PDE8A: variants seen among roughly 807,000 people sequenced by gnomAD.
The protein encoded by PDE8A is phosphodiesterase 8A, also known as high affinity cAMP-specific and IBMX-insensitive 3',5'-cyclic phosphodiesterase 8A.
In PDE8A, 59 loss-of-function variants were observed where a neutral mutation model predicts 105.0. The observed-to-expected ratio is 0.56, with a 90% CI of 0.46 to 0.70. The LOEUF (loss-of-function observed/expected upper bound fraction) is 0.70, where lower values mean the gene tolerates loss of function less well. Ranked by LOEUF, PDE8A falls within the 30% of genes least tolerant of loss-of-function variation. PDE8A has a pLI of 0.00. For missense variants in PDE8A, 1,014 were observed against 1,045.9 expected, an observed-to-expected ratio of 0.97 and a Z score of 0.42; for synonymous variants, 355 against 371.9, an observed-to-expected ratio of 0.95 and a Z score of 0.52.
intron 3 of PDE8A, among the ~76,000 whole-genome samples, chr15:85,072,731 T>G (rs894380235): frequency 6.6e-6 from 1 of 152,188 alleles, no homozygotes; most frequent in African/African-American, 2.4e-5. Flanking sequence ...GTGAGACAGA[T>G]ACTGTTTAAA....
At chr15:85,014,138 T>C (rs61027163) in intron 1 of PDE8A, among the ~76,000 whole-genome samples, 1 of 152,232 alleles carries the variant, frequency 6.6e-6, no homozygotes, top group East Asian at 1.9e-4. Flanking sequence ...CTTTTTCTTT[T>C]TCTTTTTCTT....
intron 11 of PDE8A, among the ~76,000 whole-genome samples, chr15:85,101,995 A>G (rs992243131): frequency 8.5e-5 from 13 of 152,156 alleles, no homozygotes; most frequent in Non-Finnish European, 1.8e-4. Flanking sequence ...GTGTTCTGCA[A>G]AGAGGTTAGG....
intron 1 of PDE8A, among the ~76,000 whole-genome samples, chr15:85,057,547 G>T (rs545340422): frequency 1.3e-5 from 2 of 152,086 alleles, no homozygotes; most frequent in Non-Finnish European, 2.9e-5. Flanking sequence ...CTTACTGTCC[G>T]ACAAGCCCCA....
At chr15:85,095,060 G>A (rs996007868) in intron 8 of PDE8A, among the ~76,000 whole-genome samples, 10 of 152,120 alleles carry the variant, frequency 6.6e-5, no homozygotes, top group Non-Finnish European at 1.3e-4. Context: ...GCTGGATGAT[G>A]ATGATTTAAT....
intron 1 of PDE8A, among the ~76,000 whole-genome samples, chr15:85,030,173 A>G (rs1250527833): frequency 4.6e-5 from 7 of 152,134 alleles, no homozygotes; most frequent in South Asian, 4.2e-4. Flanking sequence ...GAGTCCCACA[A>G]CCATTTTATT....
At chr15:85,125,830 T>C (rs906138260) in intron 19 of PDE8A, among the ~76,000 whole-genome samples, 2 of 151,980 alleles carry the variant, frequency 1.3e-5, no homozygotes, top group Non-Finnish European at 2.9e-5. Context: ...TTAATAAATA[T>C]AATAAAAGAC....
intron 1 of PDE8A, among the ~76,000 whole-genome samples, chr15:85,012,739 A>G (rs563738456): frequency 1.3e-5 from 2 of 152,320 alleles, no homozygotes; most frequent in Admixed American, 6.5e-5. Flanking sequence ...AATGGTTTTA[A>G]CATACAGTAT....
rs1313122470 is a variant in PDE8A, at chr15:85,100,062, A to C, written c.989A>C (p.Asn330Thr). The change falls in exon 10 of 22, where the codon AAT becomes ACT. Residue 330 changes from asparagine (N) to threonine (T), a missense_variant. By Grantham distance (65) the Asn-to-Thr change is moderately conservative. Coordinates refer to ENST00000394553, the MANE Select transcript of PDE8A (RefSeq NM_002605.3). ...ATTATCAGAGTGTGCAATGGCAACA[A>C]TAAGGTACGTAAGGAGAGCCCCCCG... ...VSIIRVCNGN[N>T]KAEKISECVQ... 1 of 1,613,854 alleles carries C rather than the reference A, an allele frequency of 6.2e-7. No homozygotes were observed. Among genetic ancestry groups the C allele is most frequent in the South Asian group, 1.1e-5 (1 of 90,988 alleles).
intron 1 of PDE8A, among the ~76,000 whole-genome samples, chr15:85,060,350 A>G (rs777730363): frequency 2.6e-5 from 4 of 152,208 alleles, no homozygotes; most frequent in Non-Finnish European, 5.9e-5. Context: ...TGATGTCACA[A>G]AATTAAAGCT....
chr15:85,042,515 T>C (rs2080826424), intron 1 of PDE8A, among the ~76,000 whole-genome samples: 1 of 152,182 alleles, frequency 6.6e-6, no homozygotes, highest in Non-Finnish European at 1.5e-5. Context: ...GAAGGTCCGA[T>C]GGTTTAATAC....
chr15:85,099,454 G>T (rs1002844973), intron 9 of PDE8A, among the ~76,000 whole-genome samples: 1 of 152,150 alleles, frequency 6.6e-6, no homozygotes, highest in African/African-American at 2.4e-5. Flanking sequence ...TTTTTTTGTG[G>T]TAAGTATATA....
rs115099828 is a variant in PDE8A, at chr15:85,104,280, A to G, written c.1036+4082A>G. Among the ~76,000 whole-genome samples the G allele has an allele frequency of 4.7e-3, 709 of 152,238 alleles. 10 individuals are homozygous for G. Among genetic ancestry groups the G allele is most frequent in the African/African-American group, 0.016 (665 of 41,570 alleles). On this transcript the variant is annotated intron_variant, in intron 11 of 21. Transcript: ENST00000394553. ...AAAAGCTGGGGAATGCTTCCCAGCA[A>G]TGATGATGATGATGGTTGACCTGGT...
At chr15:84,995,485 T>C (rs2079961543) in intron 1 of PDE8A, among the ~76,000 whole-genome samples, 2 of 152,110 alleles carry the variant, frequency 1.3e-5, no homozygotes, top group South Asian at 4.1e-4. Context: ...TCCTGGCTAA[T>C]TAAAAAAATT....
chr15:85,115,671 C>T (rs1008355778), intron 15 of PDE8A, 184 bp downstream of exon 15: 31 of 544,648 alleles, frequency 5.7e-5, no homozygotes, highest in Non-Finnish European at 4.8e-5. Context: ...TGGCCGGGAG[C>T]GGTGGCTCAC....
At chr15:85,121,061 TA>T (rs1567300457) in intron 18 of PDE8A, 47 bp downstream of exon 18, 1 of 1,053,378 alleles carries the variant, frequency 9.5e-7, no homozygotes. Context: ...CTTTCTTTTT[TA>T]AACAGCTATA....
chr15:85,118,000 T>G (rs1023829848), intron 17 of PDE8A, among the ~76,000 whole-genome samples, 161 bp downstream of exon 17: 4 of 152,324 alleles, frequency 2.6e-5, no homozygotes, highest in African/African-American at 9.6e-5. Context: ...CACATTAGCT[T>G]TGGGAAATTG....
chr15:85,055,357 G>T (rs1397769169), intron 1 of PDE8A, among the ~76,000 whole-genome samples: 1 of 152,084 alleles, frequency 6.6e-6, no homozygotes, highest in African/African-American at 2.4e-5. Context: ...TCAATTCCTG[G>T]ATATCCTTGT....
chr15:85,126,501 A>G (rs1234833978), intron 20 of PDE8A, 127 bp downstream of exon 20: 3 of 589,108 alleles, frequency 5.1e-6, no homozygotes, highest in Admixed American at 3.7e-5. Flanking sequence ...TTTGCAAGGT[A>G]ACAAATGGTA....
intron 1 of PDE8A, among the ~76,000 whole-genome samples, chr15:85,012,360 A>G (rs1040788781): frequency 2.0e-5 from 3 of 152,174 alleles, no homozygotes; most frequent in African/African-American, 7.2e-5. Flanking sequence ...ATGGAATACT[A>G]TGCAGCCATA....
Sources: gnomAD v4.1 joint callset for allele counts (sites outside exome capture counted in the v4.1 genomes callset) on GRCh38, gnomAD v4.1.1 for gene constraint, MANE v1.5 for transcripts, NCBI Gene and HGNC (gene_info 2026-07-23, HGNC 2026-07-21) for gene names.